TMPRSS15: variants seen among roughly 807,000 people sequenced by gnomAD.
TMPRSS15 encodes the protein transmembrane serine protease 15.
In TMPRSS15, 128 loss-of-function variants were observed where a neutral mutation model predicts 125.3. The ratio of observed to expected loss-of-function variants is 1.02; its 90% CI spans 0.89 to 1.18. The LOEUF (loss-of-function observed/expected upper bound fraction) is 1.18, where lower values mean the gene tolerates loss of function less well. Ranked by LOEUF, TMPRSS15 falls within the 50% of genes most tolerant of loss-of-function variation. The pLI is 0.00. For missense variants in TMPRSS15, 1,283 were observed against 1,212.7 expected, an observed-to-expected ratio of 1.06 and a Z score of -0.86; for synonymous variants, 446 against 423.2, an observed-to-expected ratio of 1.05 and a Z score of -0.66.
chr21:18,346,277 C>G (rs2075507969), intron 10 of TMPRSS15, among the ~76,000 whole-genome samples: 2 of 152,124 alleles, frequency 1.3e-5, no homozygotes, highest in South Asian at 4.2e-4. Flanking sequence ...ACATTTTGCC[C>G]TAAGGGATCA....
At chr21:18,420,720 C>A (rs2076190447) in intron 1 of TMPRSS15, among the ~76,000 whole-genome samples, 1 of 152,108 alleles carries the variant, frequency 6.6e-6, no homozygotes, top group Non-Finnish European at 1.5e-5. Flanking sequence ...GGCTTTGGCA[C>A]TGAGGATGAT....
chr21:18,272,756 C>G (rs1294876907), intron 24 of TMPRSS15, among the ~76,000 whole-genome samples: 1 of 151,964 alleles, frequency 6.6e-6, no homozygotes, highest in East Asian at 1.9e-4. Context: ...TAAATAAATA[C>G]ATACGTAAAT....
chr21:18,277,049 A>G (rs1431482188), intron 23 of TMPRSS15, among the ~76,000 whole-genome samples: 2 of 152,144 alleles, frequency 1.3e-5, no homozygotes, highest in Non-Finnish European at 2.9e-5. Flanking sequence ...TACAGGCATG[A>G]GCCACCGCAC....
chr21:18,271,896 A>C (rs778323066), intron 24 of TMPRSS15, among the ~76,000 whole-genome samples: 8 of 152,070 alleles, frequency 5.3e-5, no homozygotes, highest in Non-Finnish European at 8.8e-5. Flanking sequence ...TGTCCCTGCA[A>C]ATGACGTGAT....
intron 1 of TMPRSS15, among the ~76,000 whole-genome samples, chr21:18,437,461 C>G (rs1350359311): frequency 6.6e-6 from 1 of 152,026 alleles, no homozygotes; most frequent in Non-Finnish European, 1.5e-5. Flanking sequence ...TAACAAAAGC[C>G]AAAATTGACA....
upstream of TMPRSS15, among the ~76,000 whole-genome samples, chr21:18,404,799 G>A (rs1018784610): frequency 6.6e-6 from 1 of 151,946 alleles, no homozygotes; most frequent in Non-Finnish European, 1.5e-5. Flanking sequence ...CATGAAAGAA[G>A]AGAATTGCCT....
At position 18,277,051 on chromosome 21, in the gene TMPRSS15, C is replaced by A. The variant is rs144381751; in HGVS notation, c.2765-1715G>T. Among the ~76,000 whole-genome samples, 355 of 152,170 alleles carry A rather than the reference C, an allele frequency of 2.3e-3. 5 individuals are homozygous for A. The highest frequency in any genetic ancestry group is 8.2e-3 in the African/African-American group (341 of 41,504). ...AAAGTGTTGGGTTTACAGGCATGAG[C>A]CACCGCACCCGGCCAGAAAACTGGG... On this transcript the variant is annotated intron_variant, in intron 23 of 24. Transcript: ENST00000284885.
rs76339361 is a variant in TMPRSS15 at position 18,415,732 on chromosome 21, C to T, written c.11-17403G>A. Among the ~76,000 whole-genome samples, 1,487 of 152,054 alleles carry T rather than the reference C, an allele frequency of 9.8e-3. 27 individuals carry two copies. Among genetic ancestry groups the T allele is most frequent in the African/African-American group, 0.034 (1,413 of 41,516 alleles). On this transcript the variant is annotated intron_variant, in intron 1 of 7. Coordinates refer to the TMPRSS15 transcript ENST00000422787. The stretch of plus-strand genomic sequence containing the variant: ...AATATATCTGTCTTTATGCTAGTAC[C>T]ATACTGTTTTAATTACTATGGTTTC...
At chr21:18,286,059 T>C (rs146457347) in intron 21 of TMPRSS15, among the ~76,000 whole-genome samples, 61 of 152,320 alleles carry the variant, frequency 4.0e-4, no homozygotes, top group African/African-American at 1.4e-3. Context: ...CTCCTGAGCA[T>C]AATTTTACTT....
intron 16 of TMPRSS15, among the ~76,000 whole-genome samples, chr21:18,319,243 G>T (rs1569005046): frequency 1.3e-5 from 2 of 152,022 alleles, no homozygotes; most frequent in Non-Finnish European, 2.9e-5. Flanking sequence ...AAATTAGCCT[G>T]AGGCTCAGTT....
At chr21:18,465,620 G>A (rs2122955654) in intron 1 of TMPRSS15, among the ~76,000 whole-genome samples, 1 of 152,164 alleles carries the variant, frequency 6.6e-6, no homozygotes, top group African/African-American at 2.4e-5. Context: ...ACAAATAACA[G>A]ACAAACAGAG....
intron 1 of TMPRSS15, among the ~76,000 whole-genome samples, chr21:18,436,448 G>C (rs1448240369): frequency 6.6e-6 from 1 of 152,046 alleles, no homozygotes; most frequent in African/African-American, 2.4e-5. Context: ...GGTTTTGAGT[G>C]AGTTTCTTAA....
At chr21:18,335,670 G>T (rs752111221) in intron 13 of TMPRSS15, among the ~76,000 whole-genome samples, 4 of 152,164 alleles carry the variant, frequency 2.6e-5, no homozygotes, top group Non-Finnish European at 4.4e-5. Context: ...TGATAAAATA[G>T]ATCAGTTACT....
chr21:18,480,017 AG>A (rs1978951553), intron 1 of TMPRSS15, among the ~76,000 whole-genome samples: 1 of 152,088 alleles, frequency 6.6e-6, no homozygotes, highest in Admixed American at 6.6e-5. Context: ...GACTGGATAA[AG>A]AAAATGTGGC....
intron 1 of TMPRSS15, among the ~76,000 whole-genome samples, chr21:18,401,291 A>G (rs1032976024): frequency 2.6e-5 from 4 of 152,166 alleles, no homozygotes; most frequent in Non-Finnish European, 4.4e-5. Flanking sequence ...CATGTTCATC[A>G]CAGCACAGTT....
chr21:18,440,493 C>G (rs1289709927), intron 1 of TMPRSS15, among the ~76,000 whole-genome samples: 1 of 148,306 alleles, frequency 6.7e-6, no homozygotes, highest in African/African-American at 2.6e-5. Context: ...CTCCATTTCC[C>G]TAACTATTTC....
chr21:18,462,237 T>C (rs2122953038), intron 1 of TMPRSS15, among the ~76,000 whole-genome samples: 11 of 152,162 alleles, frequency 7.2e-5, no homozygotes, highest in Non-Finnish European at 1.0e-4. Flanking sequence ...AAAAATTGCA[T>C]TCAAGTATTA....
intron 1 of TMPRSS15, among the ~76,000 whole-genome samples, chr21:18,402,906 A>T (rs890922816): frequency 6.6e-6 from 1 of 152,204 alleles, no homozygotes; most frequent in Non-Finnish European, 1.5e-5. Flanking sequence ...GCTCTAACTA[A>T]GAGTTATCAT....
chr21:18,298,390 C>A (rs1464051778), intron 18 of TMPRSS15, among the ~76,000 whole-genome samples: 1 of 152,186 alleles, frequency 6.6e-6, no homozygotes, highest in Non-Finnish European at 1.5e-5. Context: ...TAAAGGAAGT[C>A]ATGTGACTGC....
Sources: gnomAD v4.1 joint callset for allele counts (sites outside exome capture counted in the v4.1 genomes callset) on GRCh38, gnomAD v4.1.1 for gene constraint, MANE v1.5 for transcripts, NCBI Gene and HGNC (gene_info 2026-07-23, HGNC 2026-07-21) for gene names.